The following MYH7 variants were observed in gnomAD, a reference collection of about 807,000 sequenced individuals.
MYH7 encodes myosin-7.
A neutral mutation model predicts 225.4 loss-of-function variants in MYH7; 129 were observed. The ratio of observed to expected loss-of-function variants is 0.57; its 90% CI spans 0.50 to 0.66. MYH7 has a LOEUF of 0.66. Among genes scored for constraint, MYH7 ranks in the 30% least tolerant of loss-of-function variants. MYH7 has a pLI of 0.00. For synonymous variants in MYH7, 971 were observed against 1,007.6 expected (o/e 0.96, Z 0.69); for missense variants, 1,649 against 2,517.0 (o/e 0.66, Z 7.38).
intron 6 of MYH7, 105 bp from the exon 7 acceptor site, chr14:23,431,974 G>T: frequency 8.5e-7 from 1 of 1,171,580 alleles, no homozygotes. Flanking sequence ...GGAGCCCTGG[G>T]CAAGAAGCTG....
chr14:23,434,822 A>G (rs1214899142), intron 1 of MYH7, among the ~76,000 whole-genome samples: 1 of 152,146 alleles, frequency 6.6e-6, no homozygotes, highest in African/African-American at 2.4e-5. Flanking sequence ...GCTTCCTCTC[A>G]CAGACACACC....
chr14:23,418,656 G>T (rs10136106), intron 29 of MYH7, among the ~76,000 whole-genome samples: 2 of 152,074 alleles, frequency 1.3e-5, no homozygotes, highest in African/African-American at 4.8e-5. Context: ...CATCATCACC[G>T]CCATTTTACC....
Position 23,415,725 on chromosome 14 carries a change from C to T in MYH7, c.5061G>A (p.Glu1687=), listed in dbSNP as rs1410160839. Residue 1687 remains glutamate (E), a synonymous_variant, in exon 35 of 40, where the codon GAG becomes GAA. Transcript: ENST00000355349. The surrounding 1 kb of genome is among the most constrained non-coding windows in gnomAD (Gnocchi z 6.3). ...RNNLLQAELE[E]LRAVVEQTER... Reference sequence around the variant, plus strand: ...CTGTCTGCTCCACCACGGCACGCAACTCCTCCAGCTCAGCCTGCAGCAGGT... The same window carrying T: ...CTGTCTGCTCCACCACGGCACGCAATTCCTCCAGCTCAGCCTGCAGCAGGT... The T allele has an allele frequency of 6.2e-7, 1 of 1,614,220 alleles. No individual in the cohort carries two copies. Among genetic ancestry groups the T allele is most frequent in the Non-Finnish European group, 8.5e-7 (1 of 1,180,042 alleles).
chr14:23,429,606 G>A (rs1287178374), intron 12 of MYH7, among the ~76,000 whole-genome samples, 169 bp downstream of exon 12: 2 of 151,314 alleles, frequency 1.3e-5, no homozygotes, highest in Non-Finnish European at 2.9e-5. Context: ...AACCCAGGAT[G>A]TGGAGGTGGC....
Position 23,417,580 on chromosome 14 carries a change from C to A in MYH7, c.4276G>T (p.Glu1426Ter). 6.2e-7 allele frequency: 1 copy of A among 1,612,592 alleles called. No individual in the cohort carries two copies. The highest frequency in any genetic ancestry group is 8.5e-7 in the Non-Finnish European group (1 of 1,180,042). The part of the protein sequence containing the change: ...KTKHRLQNEI[E>*]DLMVDVERSN... ...CGCTCTACGTCCACCATCAAGTCCT[C>A]GATCTCATTCTGTAGCCGGTGCTTG... Residue 1426 changes from glutamate to a stop codon, truncating the protein, a stop_gained, in exon 31 of 40, where the codon GAG becomes TAG. Coordinates refer to ENST00000355349, the MANE Select transcript of MYH7 (RefSeq NM_000257.4). LOFTEE classifies it high-confidence loss of function.
At chr14:23,423,760 G>A (rs371640392) in intron 23 of MYH7, 37 bp from the exon 24 acceptor site, 1 of 1,613,816 alleles carries the variant, frequency 6.2e-7, no homozygotes, top group Non-Finnish European at 8.5e-7. Context: ...TAGGGTCAAA[G>A]GTCACCAGCT....
chr14:23,432,350 A>G (rs1892979490), intron 6 of MYH7, 129 bp downstream of exon 6: 1 of 1,135,926 alleles, frequency 8.8e-7, no homozygotes. Flanking sequence ...TGGTCAGAGA[A>G]GAAGGAGATG....
chr14:23,414,154 A>G, intron 37 of MYH7, 52 bp from the exon 38 acceptor site: 2 of 1,530,588 alleles, frequency 1.3e-6, no homozygotes. Context: ...CATAGAAGGT[A>G]GCATCCCCTC....
At chr14:23,429,386 T>C in intron 12 of MYH7, 39 bp from the exon 13 acceptor site, 2 of 1,575,462 alleles carry the variant, frequency 1.3e-6, no homozygotes, top group Non-Finnish European at 1.7e-6. Flanking sequence ...GGTAAAGAGA[T>C]GACTGCTGGC....
Position 23,425,894 on chromosome 14 carries a change from C to T in MYH7, c.2162+70G>A. ...GCCCATAGAATTCCAGGGTCACCTGCAGATCCCATTCCCATCAGGGCAGCC... is the reference window on the plus strand; with the variant it reads ...GCCCATAGAATTCCAGGGTCACCTGTAGATCCCATTCCCATCAGGGCAGCC... On this transcript the variant is annotated intron_variant, in intron 19 of 39. Coordinates refer to ENST00000355349, the MANE Select transcript of MYH7 (RefSeq NM_000257.4). This position sits in a 1 kb window ranked among gnomAD's most constrained non-coding sequence, Gnocchi z 4.6. 6 of 1,612,938 alleles carry T rather than the reference C, an allele frequency of 3.7e-6. No individual in the cohort carries two copies. Among genetic ancestry groups the T allele is most frequent in the South Asian group, 3.3e-5 (3 of 91,018 alleles).
chr14:23,426,165 G>C, intron 18 of MYH7, 84 bp from the exon 19 acceptor site: 1 of 1,456,118 alleles, frequency 6.9e-7, no homozygotes, highest in East Asian at 2.3e-5. Context: ...TCACTGATTA[G>C]CTTGTAATCT....
At chr14:23,435,364 CCA>C (rs3138591) in intron 1 of MYH7, among the ~76,000 whole-genome samples, 48,005 of 147,306 alleles carry the variant, frequency 0.33, 7,806 homozygotes, top group South Asian at 0.44. Context: ...GCAGGCTTGT[CCA>C]CACACACACA....
rs146256500 is a variant in MYH7 at position 23,422,209 on chromosome 14, G to A, written c.3216C>T (p.Asp1072=). The A allele has an allele frequency of 2.5e-6, 4 of 1,613,448 alleles. No individual in the cohort carries two copies. Among genetic ancestry groups the A allele is most frequent in the Non-Finnish European group, 3.4e-6 (4 of 1,180,028 alleles). ...TQESIMDLEN[D]KQQLDERLKK... ...TCAGCCGCTCATCCAGCTGCTGCTT[G>A]TCATTCTCCAGGTCCATGATGCTCT... Residue 1072 remains aspartate, a synonymous_variant, in exon 25 of 40, where the codon GAC becomes GAT. Transcript: ENST00000355349.
chr14:23,416,162 T>A lies in MYH7; in HGVS notation c.4795A>T (p.Thr1599Ser). The change falls in exon 34 of 40, where the codon ACC (threonine) becomes TCC (serine). Residue 1599 changes from threonine (T) to serine (S), a missense_variant. This residue lies in a region of MYH7 where 687 missense variants were observed against 913.8 expected (regional missense o/e 0.75). Coordinates refer to ENST00000355349, the MANE Select transcript of MYH7 (RefSeq NM_000257.4). The part of the protein sequence containing the change: ...NHLRVVDSLQ[T>S]SLDAETRSRN... ...CTGCGTGTCTCTGCGTCCAGGGAGG[T>A]CTGCAGCGAGTCCACCACCCGCAGG... 6.2e-7 allele frequency: 1 copy of A among 1,613,934 alleles called. No homozygotes were observed. The highest frequency in any genetic ancestry group is 1.7e-4 in the Middle Eastern group (1 of 6,044).
At chr14:23,430,448 G>A (rs1892881604) in intron 11 of MYH7, 112 bp downstream of exon 11, 2 of 841,116 alleles carry the variant, frequency 2.4e-6, no homozygotes, top group South Asian at 2.9e-5. Context: ...CTCTCAGGAG[G>A]TCCATACCAC....
rs113186231 is a variant in MYH7, at chr14:23,427,584, C to G, written c.1888+1G>C. On this transcript the variant is annotated splice_donor_variant, in intron 16 of 39. Coordinates refer to ENST00000355349, the MANE Select transcript of MYH7 (RefSeq NM_000257.4). LOFTEE classifies it high-confidence loss of function. ...TACCGGGAGCCTCAGTCCCTACTTACGCGCATCAGCCCCAGCATAGTTGGC... is the reference window on the plus strand; with the variant it reads ...TACCGGGAGCCTCAGTCCCTACTTAGGCGCATCAGCCCCAGCATAGTTGGC... The G allele has an allele frequency of 1.9e-6, 3 of 1,613,904 alleles. No homozygotes were observed. The highest frequency in any genetic ancestry group is 1.1e-5 in the South Asian group (1 of 91,074).
intron 24 of MYH7, among the ~76,000 whole-genome samples, chr14:23,422,610 CTCCT>C (rs1200838274): frequency 5.8e-4 from 72 of 124,370 alleles, no homozygotes; most frequent in African/African-American, 1.8e-3. Context: ...CTTTCTTTCT[CTCCT>C]TCCTTCCTTC....
In MYH7 at chr14:23,415,850, G is replaced by C. The variant is rs1196199795; in HGVS notation, c.4954-18C>G. The C allele has an allele frequency of 6.2e-7, 1 of 1,614,158 alleles. No individual in the cohort carries two copies. The highest frequency in any genetic ancestry group is 1.3e-5 in the African/African-American group (1 of 75,034). ...TGGGTGTCCTGAGGATCAGGAGAGT[G>C]GGCATGAGCAGGGAGCCAGCCTCGG... is the stretch of plus-strand genomic sequence containing the variant. On this transcript the variant is annotated intron_variant, in intron 34 of 39. Coordinates refer to ENST00000355349, the MANE Select transcript of MYH7 (RefSeq NM_000257.4). This position sits in a 1 kb window ranked among gnomAD's most constrained non-coding sequence, Gnocchi z 6.3.
intron 11 of MYH7, among the ~76,000 whole-genome samples, chr14:23,430,184 G>T (rs114902017): frequency 6.6e-6 from 1 of 152,182 alleles, no homozygotes; most frequent in South Asian, 2.1e-4. Context: ...ATGCTTCCTG[G>T]CCCTACACTT....
Sources: allele counts gnomAD v4.1 joint callset (sites outside exome capture counted in the v4.1 genomes callset), GRCh38; gene constraint gnomAD v4.1.1; regional missense constraint gnomAD v4.1.1; non-coding constraint Gnocchi (gnomAD v3.1); transcripts MANE v1.5; gene names NCBI Gene and HGNC (gene_info 2026-07-23, HGNC 2026-07-21).